Variants in CDKAL1 observed in about 807,000 individuals in gnomAD.
The protein encoded by CDKAL1 is threonylcarbamoyladenosine tRNA methylthiotransferase.
A neutral mutation model predicts 68.2 loss-of-function variants in CDKAL1; 32 were observed. That is an observed-to-expected ratio of 0.47 (90% CI 0.35 to 0.63). The LOEUF (loss-of-function observed/expected upper bound fraction) is 0.63, where lower values mean the gene tolerates loss of function less well. Ranked by LOEUF, CDKAL1 falls within the 30% of genes least tolerant of loss-of-function variation. The pLI is 0.00. For missense variants in CDKAL1, 606 were observed against 696.7 expected (o/e 0.87, Z 1.47); for synonymous variants, 234 against 244.3 (o/e 0.96, Z 0.39).
intron 11 of CDKAL1, among the ~76,000 whole-genome samples, chr6:21,048,120 T>G (rs1770344614): frequency 6.6e-6 from 1 of 152,208 alleles, no homozygotes; most frequent in African/African-American, 2.4e-5. Flanking sequence ...CAGCAGATGA[T>G]AAATAACTTT....
In CDKAL1 at chr6:21,026,366, G is replaced by T. The variant is rs1371619029; in HGVS notation, c.1055+25994G>T. Among the ~76,000 whole-genome samples, 3 of 152,096 alleles carry T rather than the reference G, an allele frequency of 2.0e-5. No individual in the cohort carries two copies. The East Asian group carries it at 5.8e-4, about 29-fold the overall frequency. ...ACAGGCTGTGAAAACATTTGATTTG[G>T]AGTCAAGAAATAAGTTTCTTGTTGC... On this transcript the variant is annotated intron_variant, in intron 11 of 15. Coordinates refer to ENST00000274695, the MANE Select transcript of CDKAL1 (RefSeq NM_017774.3).
At position 20,836,625 on chromosome 6, in the gene CDKAL1, T is replaced by A. The variant is rs372784662; in HGVS notation, c.639-9450T>A. On this transcript the variant is annotated intron_variant, in intron 8 of 15. Transcript: ENST00000274695. The stretch of plus-strand genomic sequence containing the variant: ...AATTGACGTATTTCCTCTGTTGAGA[T>A]GCATTTTTTCCCTTTTCCATCCAAA... Among the ~76,000 whole-genome samples, 250 of 152,332 alleles carry A rather than the reference T, an allele frequency of 1.6e-3. 8 individuals are homozygous for A. In the South Asian group the frequency reaches 0.049, roughly 30 times the overall value.
At chr6:20,848,989 C>G (rs1023492987) in intron 9 of CDKAL1, among the ~76,000 whole-genome samples, 1 of 151,856 alleles carries the variant, frequency 6.6e-6, no homozygotes, top group Non-Finnish European at 1.5e-5. Flanking sequence ...GAAAGAGTCT[C>G]CCTGTGTTTG....
intron 15 of CDKAL1, among the ~76,000 whole-genome samples, chr6:21,215,458 A>G (rs1422764138): frequency 2.0e-5 from 3 of 152,158 alleles, no homozygotes; most frequent in Non-Finnish European, 2.9e-5. Context: ...ACCACACCCT[A>G]TGAAATCTTG....
At chr6:20,628,855 C>A (rs899689450) in intron 4 of CDKAL1, among the ~76,000 whole-genome samples, 1 of 152,002 alleles carries the variant, frequency 6.6e-6, no homozygotes, top group Non-Finnish European at 1.5e-5. Flanking sequence ...AGTACAAAAC[C>A]CTTTTTTTTT....
At chr6:20,600,766 G>GTATAAATATATATATATATATA (rs1554161060) in intron 4 of CDKAL1, among the ~76,000 whole-genome samples, 3 of 61,050 alleles carry the variant, frequency 4.9e-5, no homozygotes, top group African/African-American at 1.3e-4. Context: ...AGATATATAT[G>GTATAAATATATATATATATATA]TATACATATA....
At chr6:21,196,461 C>T (rs963597276) in intron 13 of CDKAL1, among the ~76,000 whole-genome samples, 2 of 152,062 alleles carry the variant, frequency 1.3e-5, no homozygotes, top group Non-Finnish European at 2.9e-5. Context: ...CCAGAACTTC[C>T]ATTGTTTTTC....
intron 4 of CDKAL1, among the ~76,000 whole-genome samples, chr6:20,567,417 A>G (rs1764505815): frequency 6.6e-6 from 1 of 152,108 alleles, no homozygotes; most frequent in African/African-American, 2.4e-5. Context: ...AGTCCCTGAA[A>G]TTAACTGGCA....
rs1777582675 is a variant in CDKAL1, at chr6:20,828,339, G to T, written c.639-17736G>T. ...CACCTCCTGGGATCAATCAATTCTT[G>T]TGCCTCAGCCTCCCAAGTAGCTTGG... On this transcript the variant is annotated intron_variant, in intron 8 of 15. Transcript: ENST00000274695. 2.6e-5 allele frequency among the ~76,000 whole-genome samples: 4 copies of T among 151,856 alleles called. 1 individual carries two copies. The South Asian group carries it at 8.3e-4, about 32-fold the overall frequency.
intron 8 of CDKAL1, among the ~76,000 whole-genome samples, chr6:20,826,624 G>C (rs552476612): frequency 1.6e-4 from 25 of 152,164 alleles, no homozygotes; most frequent in African/African-American, 6.0e-4. Context: ...GTTTTGCTGC[G>C]AGATGCATGT....
At chr6:20,628,474 T>C (rs1428915291) in intron 4 of CDKAL1, among the ~76,000 whole-genome samples, 3 of 152,210 alleles carry the variant, frequency 2.0e-5, no homozygotes, top group Non-Finnish European at 4.4e-5. Flanking sequence ...CTGAATCAAC[T>C]TCATGTATTT....
intron 5 of CDKAL1, among the ~76,000 whole-genome samples, chr6:20,733,825 T>C (rs933214021): frequency 2.0e-5 from 3 of 152,186 alleles, no homozygotes; most frequent in Non-Finnish European, 2.9e-5. Context: ...TTGTCATCTT[T>C]AAGTATTTTT....
At chr6:20,736,241 G>C (rs58332063) in intron 5 of CDKAL1, among the ~76,000 whole-genome samples, 1 of 151,942 alleles carries the variant, frequency 6.6e-6, no homozygotes, top group East Asian at 1.9e-4. Flanking sequence ...GCCCATTCGT[G>C]TAAGTATTGT....
intron 9 of CDKAL1, among the ~76,000 whole-genome samples, chr6:20,927,859 A>G (rs1156820401): frequency 1.3e-5 from 2 of 152,114 alleles, no homozygotes; most frequent in African/African-American, 2.4e-5. Flanking sequence ...TAGGAGTGTT[A>G]CTGAATATAA....
At position 21,231,202 on chromosome 6, in the gene CDKAL1, T is replaced by G; in HGVS notation, c.*163T>G. On this transcript the variant is annotated 3_prime_UTR_variant, in exon 16 of 16. Transcript: ENST00000274695. ...TAATGAGGCTCCCCCTGTCTCACAT[T>G]GAGTTGGGCCCATTGGTTATTTGAC... 1 of 496,532 alleles carries G rather than the reference T, an allele frequency of 2.0e-6. No individual in the cohort carries two copies. The highest frequency in any genetic ancestry group is 3.5e-5 in the Admixed American group (1 of 28,962). The allele number at this position is 496,532 out of a possible 1,614,324, so 30.8% of individuals were successfully genotyped here.
chr6:20,836,002 C>T (rs1368848087), intron 8 of CDKAL1, among the ~76,000 whole-genome samples: 2 of 152,122 alleles, frequency 1.3e-5, no homozygotes, highest in South Asian at 2.1e-4. Context: ...TTTCTCTTCT[C>T]CTTCCTTCTC....
Position 21,162,860 on chromosome 6 carries a change from T to G in CDKAL1, c.1300-35161T>G, listed in dbSNP as rs148396342. ...GGAGGATCACTTGAGCCCAGGAGTT[T>G]GAGGCTGTAGTGTGCAATGATCACA... On this transcript the variant is annotated intron_variant, in intron 13 of 15. Transcript: ENST00000274695. 1.8e-3 allele frequency among the ~76,000 whole-genome samples: 279 copies of G among 152,128 alleles called. 1 individual carries two copies. Among genetic ancestry groups the G allele is most frequent in the Middle Eastern group, 6.8e-3 (2 of 294 alleles).
chr6:20,593,717 A>G (rs937673017), intron 4 of CDKAL1, among the ~76,000 whole-genome samples: 5 of 151,344 alleles, frequency 3.3e-5, no homozygotes, highest in Non-Finnish European at 7.4e-5. Flanking sequence ...GTCTTCTGCT[A>G]GCTTTTGAAT....
intron 10 of CDKAL1, among the ~76,000 whole-genome samples, chr6:20,969,171 A>G (rs550153245): frequency 5.0e-4 from 76 of 152,150 alleles, no homozygotes; most frequent in Non-Finnish European, 9.4e-4. Context: ...TCAAAAATCC[A>G]TGTATAACTT....
Sources: allele counts gnomAD v4.1 joint callset (sites outside exome capture counted in the v4.1 genomes callset), GRCh38; gene constraint gnomAD v4.1.1; transcripts MANE v1.5; gene names NCBI Gene and HGNC (gene_info 2026-07-23, HGNC 2026-07-21).